SLC22A5: variants seen among roughly 807,000 people sequenced by gnomAD.
SLC22A5 encodes organic cation/carnitine transporter 2.
Under a neutral mutation model 56.7 loss-of-function variants are expected in SLC22A5, and 44 were observed. The observed-to-expected ratio is 0.78, with a 90% CI of 0.61 to 1.00. The LOEUF (loss-of-function observed/expected upper bound fraction) is 1.00, where lower values mean the gene tolerates loss of function less well. SLC22A5 is among the 50% of genes least tolerant of loss of function. SLC22A5 has a pLI of 0.00. For synonymous variants in SLC22A5, 278 were observed against 292.1 expected, an observed-to-expected ratio of 0.95 and a Z score of 0.49; for missense variants, 675 against 723.0, an observed-to-expected ratio of 0.93 and a Z score of 0.76.
intron 1 of SLC22A5, among the ~76,000 whole-genome samples, chr5:132,374,014 G>C (rs970827967): frequency 6.6e-6 from 1 of 151,934 alleles, no homozygotes; most frequent in African/African-American, 2.4e-5. Context: ...GCAGGAGTTC[G>C]AGACCAGCCT....
At chr5:132,371,317 T>C (rs975641878) in intron 1 of SLC22A5, among the ~76,000 whole-genome samples, 9 of 152,174 alleles carry the variant, frequency 5.9e-5, no homozygotes, top group Admixed American at 5.2e-4. Context: ...GGGTGACTTG[T>C]TGACCTGGAA....
In SLC22A5 at chr5:132,392,567, A is replaced by T; in HGVS notation, c.1402A>T (p.Thr468Ser). ...VRNMGVGVSSTASRLGSILSP... is the reference protein window; with the variant it reads ...VRNMGVGVSSSASRLGSILSP... ...AAACATGGGTGTGGGAGTCAGCTCC[A>T]CAGCATCCCGCCTGGGCAGCATCCT... is the stretch of plus-strand genomic sequence containing the variant. Residue 468 changes from threonine to serine, a missense_variant, in exon 8 of 10, where the codon ACA becomes TCA. Coordinates refer to ENST00000245407, the MANE Select transcript of SLC22A5 (RefSeq NM_003060.4). The T allele has an allele frequency of 6.2e-7, 1 of 1,614,198 alleles. No homozygotes were observed. Among genetic ancestry groups the T allele is most frequent in the Non-Finnish European group, 8.5e-7 (1 of 1,180,032 alleles).
chr5:132,384,270 G>C lies in SLC22A5; in HGVS notation c.621G>C (p.Gln207His), dbSNP rs746623532. ...TGTTTGTCCTTGTAGGCATGGGCCA[G>C]ATCTCCAACTATGTGGCAGCATTTG... is the stretch of plus-strand genomic sequence containing the variant. ...VVLFVLVGMG[Q>H]ISNYVAAFVL... The change falls in exon 3 of 10, where the codon CAG becomes CAC. Residue 207 changes from glutamine to histidine, a missense_variant. By Grantham distance (24) the Gln-to-His change is conservative (BLOSUM62 0). Transcript: ENST00000245407. 4.3e-6 allele frequency: 7 copies of C among 1,614,152 alleles called. No homozygotes were observed. The South Asian group carries it at 5.5e-5, about 13-fold the overall frequency.
chr5:132,370,139 C>T lies in SLC22A5; in HGVS notation c.167C>T (p.Ala56Val), dbSNP rs2126765106. 1 of 1,609,980 alleles carries T rather than the reference C, an allele frequency of 6.2e-7. No homozygotes were observed. Among genetic ancestry groups the T allele is most frequent in the South Asian group, 1.1e-5 (1 of 90,808 alleles). ...CACCGCTGCCGGGTGCCGGACGCCG[C>T]GAACCTGAGCAGCGCCTGGCGCAAC... is the stretch of plus-strand genomic sequence containing the variant. ...PEHRCRVPDAANLSSAWRNHT... is the reference protein window; with the variant it reads ...PEHRCRVPDAVNLSSAWRNHT... Residue 56 changes from alanine to valine, a missense_variant, in exon 1 of 10, where the codon GCG becomes GTG. Transcript: ENST00000245407.
At chr5:132,388,013 A>G (rs1291705917) in intron 5 of SLC22A5, 2 of 153,056 alleles carry the variant, frequency 1.3e-5, no homozygotes, top group African/African-American at 4.8e-5. Flanking sequence ...AAGAGGGAAC[A>G]GTTATTGTAG....
intron 6 of SLC22A5, 139 bp from the exon 7 acceptor site, chr5:132,390,551 G>T: frequency 1.3e-6 from 1 of 742,992 alleles, no homozygotes; most frequent in East Asian, 2.5e-5. Context: ...TAAGACGCAG[G>T]GTTACAGTTA....
intron 3 of SLC22A5, among the ~76,000 whole-genome samples, chr5:132,384,871 C>T (rs1048496602): frequency 4.6e-5 from 7 of 152,124 alleles, no homozygotes; most frequent in Admixed American, 2.6e-4. Context: ...GCTGCCAGGC[C>T]GGCCTGTGTT....
intron 1 of SLC22A5, chr5:132,378,122 G>C (rs1282227457): frequency 1.3e-6 from 2 of 1,553,474 alleles, no homozygotes; most frequent in African/African-American, 2.7e-5. Context: ...CATGTGGACA[G>C]AACACTTACT....
intron 4 of SLC22A5, among the ~76,000 whole-genome samples, chr5:132,386,486 C>G (rs1381198120): frequency 6.6e-6 from 1 of 152,174 alleles, no homozygotes; most frequent in Non-Finnish European, 1.5e-5. Context: ...CGGCCTTGGC[C>G]TCCTAAAGTG....
chr5:132,394,212 C>T lies in SLC22A5; in HGVS notation c.1614C>T (p.His538=), dbSNP rs765430049. The T allele has an allele frequency of 2.5e-6, 4 of 1,613,530 alleles. No homozygotes were observed. Among genetic ancestry groups the T allele is most frequent in the Admixed American group, 3.3e-5 (2 of 60,028 alleles). Residue 538 remains histidine, a synonymous_variant, in exon 10 of 10, where the codon CAC becomes CAT. Coordinates refer to ENST00000245407, the MANE Select transcript of SLC22A5 (RefSeq NM_003060.4). ...TGAAACACAGAAAAACTCCAAGTCA[C>T]ACAAGGATGTTAAAAGATGGTCAAG... ...KGMKHRKTPS[H]TRMLKDGQER...
At position 132,395,160 on chromosome 5, in the gene SLC22A5, C is replaced by G. The variant is rs1050440831; in HGVS notation, c.*888C>G. ...GTATCCTTTTCTCCTTGTTATTTGC[C>G]CTTCAGAATGCACTTGGGAAAGGCT... On this transcript the variant is annotated 3_prime_UTR_variant, in exon 10 of 10. Coordinates refer to ENST00000245407, the MANE Select transcript of SLC22A5 (RefSeq NM_003060.4). 6.6e-6 allele frequency: 1 copy of G among 151,326 alleles called. No homozygotes were observed. The highest frequency in any genetic ancestry group is 2.4e-5 in the African/African-American group (1 of 41,104). The allele number at this position is 151,326 out of a possible 1,614,324, so 9.4% of individuals were successfully genotyped here.
At chr5:132,375,210 C>G (rs1752094028) in intron 1 of SLC22A5, among the ~76,000 whole-genome samples, 1 of 152,178 alleles carries the variant, frequency 6.6e-6, no homozygotes, top group East Asian at 1.9e-4. Flanking sequence ...CCAAAGAGCT[C>G]CTGAGCCTCT....
chr5:132,386,587 G>C (rs1401314142), intron 4 of SLC22A5, among the ~76,000 whole-genome samples: 5 of 152,130 alleles, frequency 3.3e-5, no homozygotes, highest in Non-Finnish European at 2.9e-5. Flanking sequence ...TCAGGGGTAG[G>C]GTGAGGAGAG....
rs1336360707 is a variant in SLC22A5 at position 132,392,514 on chromosome 5, C to T, written c.1349C>T (p.Thr450Ile). The change falls in exon 8 of 10, where the codon ACA becomes ATA. Residue 450 changes from threonine to isoleucine, a missense_variant. Thr to Ile is a moderately conservative substitution (Grantham distance 89). Transcript: ENST00000245407. The stretch of plus-strand genomic sequence containing the variant: ...GCCTTTTCCATGGTCTACGTGTACA[C>T]AGCCGAGCTGTATCCCACAGTGGTG... Reference protein sequence around the residue: ...TAAFSMVYVYTAELYPTVVRN... With the variant: ...TAAFSMVYVYIAELYPTVVRN... The T allele has an allele frequency of 6.2e-7, 1 of 1,614,018 alleles. No homozygotes were observed.
chr5:132,391,817 G>A (rs1015513605), intron 7 of SLC22A5, among the ~76,000 whole-genome samples: 1 of 152,140 alleles, frequency 6.6e-6, no homozygotes, highest in African/African-American at 2.4e-5. Context: ...AGCCTCTGAT[G>A]GTCACTTTTG....
intron 2 of SLC22A5, chr5:132,383,068 T>G (rs1752402110): frequency 6.6e-6 from 1 of 152,206 alleles, no homozygotes; most frequent in South Asian, 2.1e-4. Flanking sequence ...TTAATGAATT[T>G]TTTTCAGAGA....
At chr5:132,391,970 G>A (rs531012565) in intron 7 of SLC22A5, among the ~76,000 whole-genome samples, 1 of 152,340 alleles carries the variant, frequency 6.6e-6, no homozygotes, top group Non-Finnish European at 1.5e-5. Context: ...ACAGCACAGA[G>A]AGATTAGAAG....
chr5:132,392,857 T>A (rs535194976), intron 8 of SLC22A5, among the ~76,000 whole-genome samples: 139 of 152,322 alleles, frequency 9.1e-4, no homozygotes, highest in African/African-American at 3.3e-3. Flanking sequence ...TTTGTTTCTG[T>A]TTTAGCCATC....
intron 6 of SLC22A5, chr5:132,389,263 G>T: frequency 2.1e-6 from 1 of 471,794 alleles, no homozygotes; most frequent in Non-Finnish European, 3.9e-6. Flanking sequence ...ACTCTTGTGG[G>T]GAATCTCTCC....
Sources: allele counts gnomAD v4.1 joint callset (sites outside exome capture counted in the v4.1 genomes callset), GRCh38; gene constraint gnomAD v4.1.1; transcripts MANE v1.5; gene names NCBI Gene and HGNC (gene_info 2026-07-23, HGNC 2026-07-21).